IL2RA: variants seen among roughly 807,000 people sequenced by gnomAD.
The protein encoded by IL2RA is interleukin 2 receptor subunit alpha.
A neutral mutation model predicts 37.8 loss-of-function variants in IL2RA; 24 were observed. The ratio of observed to expected loss-of-function variants is 0.63; its 90% CI spans 0.46 to 0.89. The LOEUF (loss-of-function observed/expected upper bound fraction) is 0.89. Ranked by LOEUF, IL2RA falls within the 40% of genes least tolerant of loss-of-function variation. The pLI, the probability that IL2RA is intolerant of heterozygous loss-of-function variation, is 0.00. For synonymous variants in IL2RA, 125 were observed against 114.6 expected, an observed-to-expected ratio of 1.09 and a Z score of -0.58; for missense variants, 319 against 348.6, an observed-to-expected ratio of 0.92 and a Z score of 0.68.
Position 6,035,605 on chromosome 10 carries a change from A to C in IL2RA, c.65-9580T>G, listed in dbSNP as rs937092724. Among the ~76,000 whole-genome samples the C allele has an allele frequency of 2.6e-5, 4 of 152,158 alleles. No individual in the cohort carries two copies. Among genetic ancestry groups the C allele is most frequent in the African/African-American group, 9.7e-5 (4 of 41,424 alleles). ...AAGAAATCGGGGCTCCCAGGAGGAG[A>C]ATCCTGAACCACGGGCTCTGCGGTG... On this transcript the variant is annotated intron_variant, in intron 1 of 7. Transcript: ENST00000379959. This position sits in a 1 kb window ranked among gnomAD's most constrained non-coding sequence, Gnocchi z 5.4.
rs1345562893 is a variant in IL2RA at position 6,048,316 on chromosome 10, A to T, written c.64+13772T>A. ...CAAGGAAGAAATGAGGATTTTGCCC[A>T]GATTTCCTGGGCGATGGGGAGGATG... On this transcript the variant is annotated intron_variant, in intron 1 of 7. Transcript: ENST00000379959. The surrounding 1 kb of genome is among the most constrained non-coding windows in gnomAD (Gnocchi z 5.3). Among the ~76,000 whole-genome samples the T allele has an allele frequency of 6.6e-6, 1 of 152,252 alleles. No homozygotes were observed.
rs1839202528 is a variant in IL2RA, at chr10:6,012,291, G to A, written c.*581C>T. 6.4e-6 allele frequency: 1 copy of A among 155,292 alleles called. No individual in the cohort carries two copies. Among genetic ancestry groups the A allele is most frequent in the Non-Finnish European group, 1.4e-5 (1 of 69,850 alleles). The allele number at this position is 155,292 out of a possible 1,614,324, so 9.6% of individuals were successfully genotyped here. On this transcript the variant is annotated 3_prime_UTR_variant, in exon 8 of 8. Transcript: ENST00000379959. The surrounding 1 kb of genome is among the most constrained non-coding windows in gnomAD (Gnocchi z 4.8). Reference sequence around the variant, plus strand: ...TAGAAGGGGGTTAGCTTAGAGGATTGAGCCAAGGGTAAAATGATTTCTGGG... The same window carrying A: ...TAGAAGGGGGTTAGCTTAGAGGATTAAGCCAAGGGTAAAATGATTTCTGGG...
At chr10:6,017,386 T>G (rs1589290879) in intron 7 of IL2RA, among the ~76,000 whole-genome samples, 1 of 152,186 alleles carries the variant, frequency 6.6e-6, no homozygotes, top group East Asian at 1.9e-4. Flanking sequence ...TAGATTCATG[T>G]TGCAGTGCTG....
chr10:6,053,414 G>A (rs981505613), intron 1 of IL2RA, among the ~76,000 whole-genome samples: 1 of 152,216 alleles, frequency 6.6e-6, no homozygotes, highest in African/African-American at 2.4e-5. Context: ...ATTCACTGTG[G>A]TGGTTCTAGC....
rs755674960 is a variant in IL2RA at position 6,011,499 on chromosome 10, T to G, written c.*1373A>C. ...ACAAGGCCTCCCGGTGATTCTAATA[T>G]GCTGAACTTTTTGATAATGTTCAAG... On this transcript the variant is annotated 3_prime_UTR_variant, in exon 8 of 8. Transcript: ENST00000379959. The surrounding 1 kb of genome is among the most constrained non-coding windows in gnomAD (Gnocchi z 5.2). The G allele has an allele frequency of 6.6e-6, 1 of 152,226 alleles. No individual in the cohort carries two copies. 9.4% of individuals were successfully genotyped at this position (152,226 alleles called of 1,614,324 possible). A position where few individuals can be genotyped will look rare whatever the true frequency, so the allele number is the denominator to read the frequency against.
At chr10:6,019,300 C>T (rs1049214450) in intron 6 of IL2RA, 128 bp downstream of exon 6, 17 of 790,368 alleles carry the variant, frequency 2.2e-5, no homozygotes, top group African/African-American at 1.5e-4. Flanking sequence ...GCCAACCTAC[C>T]TATCAACCTA....
Position 6,054,036 on chromosome 10 carries a change from T to TCCAC in IL2RA, c.64+8048_64+8051dup, listed in dbSNP as rs1177125047. ...CTCCTGATCCGTATCTTGCCTTCCC[T>TCCAC]CCACCCGTTCCTCTTCCTCCCAGCA... On this transcript the variant is annotated intron_variant, in intron 1 of 7. Coordinates refer to ENST00000379959, the MANE Select transcript of IL2RA (RefSeq NM_000417.3). The surrounding 1 kb of genome is among the most constrained non-coding windows in gnomAD (Gnocchi z 4.5). Among the ~76,000 whole-genome samples, 1 of 152,162 alleles carries TCCAC rather than the reference T, an allele frequency of 6.6e-6. No individual in the cohort carries two copies. The highest frequency in any genetic ancestry group is 1.5e-5 in the Non-Finnish European group (1 of 68,020).
intron 1 of IL2RA, among the ~76,000 whole-genome samples, chr10:6,050,096 A>G (rs903900912): frequency 6.6e-6 from 1 of 152,156 alleles, no homozygotes; most frequent in African/African-American, 2.4e-5. Flanking sequence ...AAATGACTGG[A>G]GCTCTTGCAG....
At chr10:6,019,751 G>C in intron 5 of IL2RA, 119 bp downstream of exon 5, 1 of 953,422 alleles carries the variant, frequency 1.0e-6, no homozygotes, top group Non-Finnish European at 1.7e-6. Flanking sequence ...AGGGAGAGGA[G>C]GCTGCTGTGG....
chr10:6,019,265 T>C (rs1839337020), intron 6 of IL2RA, among the ~76,000 whole-genome samples, 163 bp downstream of exon 6: 1 of 151,892 alleles, frequency 6.6e-6, no homozygotes. Flanking sequence ...CCTCCCAACC[T>C]ACGAACCAAC....
At chr10:6,040,710 C>T (rs1011791177) in intron 1 of IL2RA, among the ~76,000 whole-genome samples, 9 of 152,130 alleles carry the variant, frequency 5.9e-5, no homozygotes, top group African/African-American at 2.2e-4. Flanking sequence ...GTTTTTCTCA[C>T]TCCAATTGAC....
At chr10:6,037,051 C>A (rs1005368710) in intron 1 of IL2RA, among the ~76,000 whole-genome samples, 1 of 152,118 alleles carries the variant, frequency 6.6e-6, no homozygotes, top group African/African-American at 2.4e-5. Flanking sequence ...GCTCTCTCTG[C>A]CCCCTCTCCA....
At chr10:6,019,555 G>A in intron 5 of IL2RA, 56 bp from the exon 6 acceptor site, 6 of 1,302,346 alleles carry the variant, frequency 4.6e-6, no homozygotes, top group Admixed American at 1.7e-5. Flanking sequence ...AGGACAGCAC[G>A]AGGCTAAAGG....
intron 1 of IL2RA, among the ~76,000 whole-genome samples, chr10:6,055,797 C>CT (rs1840034052): frequency 6.1e-5 from 1 of 16,400 alleles, no homozygotes; most frequent in African/African-American, 1.2e-4. Flanking sequence ...GAGGCGCCCC[C>CT]CACCTCCCGG....
In IL2RA at chr10:6,029,474, TATAA is replaced by T. The variant is rs1839542688; in HGVS notation, c.65-3453_65-3450del. On this transcript the variant is annotated intron_variant, in intron 1 of 7. Coordinates refer to ENST00000379959, the MANE Select transcript of IL2RA (RefSeq NM_000417.3). This position sits in a 1 kb window ranked among gnomAD's most constrained non-coding sequence, Gnocchi z 4.6. ...GACACTGTGTTCAGTGGTTTATTTTTATAAATAAAGTTTTATTGGAAGAAAGACA... is the reference window on the plus strand; with the variant it reads ...GACACTGTGTTCAGTGGTTTATTTTTATAAAGTTTTATTGGAAGAAAGACA... 6.6e-6 allele frequency among the ~76,000 whole-genome samples: 1 copy of T among 152,086 alleles called. No individual in the cohort carries two copies. The highest frequency in any genetic ancestry group is 1.9e-4 in the East Asian group (1 of 5,186).
rs1157980136 is a variant in IL2RA at position 6,020,925 on chromosome 10, A to G, written c.583+553T>C. The stretch of plus-strand genomic sequence containing the variant: ...CGACATCGGTGGGCTGAGCATTTGC[A>G]TGAGTATGTGTGTGTGTGTGTGTGT... On this transcript the variant is annotated intron_variant, in intron 4 of 7. Transcript: ENST00000379959. The surrounding 1 kb of genome is among the most constrained non-coding windows in gnomAD (Gnocchi z 5.6). Among the ~76,000 whole-genome samples the G allele has an allele frequency of 7.9e-6, 1 of 126,406 alleles. No individual in the cohort carries two copies. Among genetic ancestry groups the G allele is most frequent in the East Asian group, 2.5e-4 (1 of 4,026 alleles). 82.9% of individuals were successfully genotyped at this position (126,406 alleles called of 152,430 possible).
rs561386582 is a variant in IL2RA, at chr10:6,036,531, G to A, written c.65-10506C>T. On this transcript the variant is annotated intron_variant, in intron 1 of 7. Transcript: ENST00000379959. The surrounding 1 kb of genome is among the most constrained non-coding windows in gnomAD (Gnocchi z 6.1). ...AAACAAAACAAACAAACAAAAAAGA[G>A]GCCCCATTCACAGTAAAGATAAACA... The A allele has an allele frequency of 2.6e-5, 4 of 152,280 alleles. No homozygotes were observed. Among genetic ancestry groups the A allele is most frequent in the South Asian group, 2.1e-4 (1 of 4,826 alleles). The allele number at this position is 152,280 out of a possible 1,614,324, so 9.4% of individuals were successfully genotyped here.
rs528387675 is a variant in IL2RA, at chr10:6,028,405, T to C, written c.65-2380A>G. Among the ~76,000 whole-genome samples the C allele has an allele frequency of 4.6e-5, 7 of 152,328 alleles. No homozygotes were observed. The South Asian group carries it at 1.4e-3, about 32-fold the overall frequency. On this transcript the variant is annotated intron_variant, in intron 1 of 7. Coordinates refer to ENST00000379959, the MANE Select transcript of IL2RA (RefSeq NM_000417.3). The surrounding 1 kb of genome is among the most constrained non-coding windows in gnomAD (Gnocchi z 4.1). ...TATTTATAAAAACAGGTGTCTGAGC[T>C]GTGGGTTGTAGTTTTCCAATCCTGC...
At chr10:6,038,390 A>G (rs1200711865) in intron 1 of IL2RA, among the ~76,000 whole-genome samples, 2 of 152,228 alleles carry the variant, frequency 1.3e-5, no homozygotes, top group South Asian at 4.1e-4. Context: ...GGGGTTATCT[A>G]TATAATAATA....
Sources: gnomAD v4.1 joint callset for allele counts (sites outside exome capture counted in the v4.1 genomes callset) on GRCh38, gnomAD v4.1.1 for gene constraint, Gnocchi (gnomAD v3.1) non-coding constraint, MANE v1.5 for transcripts, NCBI Gene and HGNC (gene_info 2026-07-23, HGNC 2026-07-21) for gene names.